Variants in TEAD1 observed in about 807,000 individuals in gnomAD.
TEAD1 encodes the protein transcriptional enhancer factor TEF-1.
In TEAD1, 9 loss-of-function variants were observed where a neutral mutation model predicts 54.9. The observed-to-expected ratio is 0.16, with a 90% confidence interval of 0.10 to 0.29. The LOEUF (loss-of-function observed/expected upper bound fraction) is 0.29. Among genes scored for constraint, TEAD1 ranks in the 10% least tolerant of loss-of-function variants. The probability of loss-of-function intolerance (pLI) is 1.00; values close to 1 mark genes in which losing one functional copy is unlikely to be tolerated. For missense variants in TEAD1, 387 were observed against 535.9 expected, an observed-to-expected ratio of 0.72 and a Z score of 2.74; for synonymous variants, 200 against 187.8, an observed-to-expected ratio of 1.07 and a Z score of -0.53.
At chr11:12,847,398 C>T (rs1947176791) in intron 3 of TEAD1, among the ~76,000 whole-genome samples, 1 of 151,094 alleles carries the variant, frequency 6.6e-6, no homozygotes, top group Non-Finnish European at 1.5e-5. Flanking sequence ...GCAGGAGGGG[C>T]AGACCCAGCC....
In TEAD1 at chr11:12,944,051, C is replaced by T. The variant is rs1949185154; in HGVS notation, c.*6829C>T. 1 of 152,508 alleles carries T rather than the reference C, an allele frequency of 6.6e-6. No homozygotes were observed. Among genetic ancestry groups the T allele is most frequent in the Non-Finnish European group, 1.5e-5 (1 of 68,020 alleles). 9.4% of individuals were successfully genotyped at this position (152,508 alleles called of 1,614,324 possible). A position where few individuals can be genotyped will look rare whatever the true frequency, so the allele number is the denominator to read the frequency against. Reference sequence around the variant, plus strand: ...TCGGTTTTCGCCACGTGTGTTTGTTCACATTCTAAATGACTTAATGGGATT... The same window carrying T: ...TCGGTTTTCGCCACGTGTGTTTGTTTACATTCTAAATGACTTAATGGGATT... On this transcript the variant is annotated 3_prime_UTR_variant, in exon 13 of 13. Transcript: ENST00000527636.
intron 3 of TEAD1, among the ~76,000 whole-genome samples, chr11:12,841,205 T>C (rs1210121051): frequency 1.3e-5 from 2 of 152,232 alleles, no homozygotes; most frequent in African/African-American, 4.8e-5. Flanking sequence ...TCTGCCTCTT[T>C]TCCTACCTGC....
intron 2 of TEAD1, among the ~76,000 whole-genome samples, chr11:12,682,756 G>C (rs550017951): frequency 7.2e-5 from 11 of 152,212 alleles, no homozygotes; most frequent in African/African-American, 2.4e-4. Flanking sequence ...AATGAACAGC[G>C]ATCAGTAAAA....
intron 11 of TEAD1, among the ~76,000 whole-genome samples, chr11:12,927,722 T>A (rs1948928270): frequency 6.6e-6 from 1 of 152,126 alleles, no homozygotes; most frequent in African/African-American, 2.4e-5. Context: ...ATCATTTTCA[T>A]TATACAGGTT....
intron 5 of TEAD1, chr11:12,878,811 G>GC (rs553963005): frequency 0.035 from 26,991 of 766,752 alleles, 374 homozygotes; most frequent in South Asian, 0.06. Flanking sequence ...ATATATATAT[G>GC]TTTTTTTTTT....
intron 3 of TEAD1, among the ~76,000 whole-genome samples, chr11:12,856,813 G>C (rs1163954726): frequency 6.6e-6 from 1 of 152,098 alleles, no homozygotes; most frequent in African/African-American, 2.4e-5. Flanking sequence ...GTCCTTCATG[G>C]GTGTGAGTTT....
At chr11:12,765,501 T>C (rs7480572) in intron 3 of TEAD1, among the ~76,000 whole-genome samples, 69,369 of 151,582 alleles carry the variant, frequency 0.46, 16,331 homozygotes, top group South Asian at 0.62. Flanking sequence ...AAGTCTTTTT[T>C]GTAATAAGGT....
chr11:12,862,008 A>T (rs1049663583), intron 3 of TEAD1, among the ~76,000 whole-genome samples: 13 of 146,248 alleles, frequency 8.9e-5, no homozygotes, highest in Admixed American at 3.4e-4. Flanking sequence ...TTTTTTTTTA[A>T]AAAAAAGGAT....
intron 2 of TEAD1, among the ~76,000 whole-genome samples, chr11:12,752,219 T>TG (rs767092725): frequency 1.3e-5 from 2 of 150,242 alleles, no homozygotes; most frequent in Non-Finnish European, 3.0e-5. Context: ...GGCAGTTTTT[T>TG]TTTTTTTTTT....
chr11:12,885,458 C>T (rs1240824972), intron 9 of TEAD1, among the ~76,000 whole-genome samples: 1 of 151,996 alleles, frequency 6.6e-6, no homozygotes, highest in East Asian at 1.9e-4. Context: ...AGGGTGGTCT[C>T]GATCTCCTGA....
intron 3 of TEAD1, among the ~76,000 whole-genome samples, chr11:12,819,253 T>C (rs1946478616): frequency 6.8e-6 from 1 of 147,706 alleles, no homozygotes; most frequent in African/African-American, 2.5e-5. Flanking sequence ...GTGGCACCAT[T>C]ATCACCGGTG....
chr11:12,925,470 T>C (rs1294290452), intron 11 of TEAD1, among the ~76,000 whole-genome samples: 2 of 152,170 alleles, frequency 1.3e-5, no homozygotes. Context: ...CTCTGACATG[T>C]GGGGATTACG....
At chr11:12,735,565 T>TA (rs1944514151) in intron 2 of TEAD1, among the ~76,000 whole-genome samples, 2 of 150,566 alleles carry the variant, frequency 1.3e-5, no homozygotes, top group African/African-American at 4.9e-5. Flanking sequence ...TGGTTCGATT[T>TA]TTTTTTTTTT....
At position 12,719,623 on chromosome 11, in the gene TEAD1, A is replaced by G. The variant is rs541531503; in HGVS notation, c.-55+44062A>G. Among the ~76,000 whole-genome samples the G allele has an allele frequency of 1.3e-4, 20 of 152,006 alleles. No homozygotes were observed. The East Asian group carries it at 3.3e-3, about 25-fold the overall frequency. ...GTGTCAAAAAGGTCAGGCTAGGGGC[A>G]GGGATTTGTTTTGTATTGAAAAAGA... On this transcript the variant is annotated intron_variant, in intron 2 of 12. Transcript: ENST00000527636.
At chr11:12,753,379 C>T (rs1289090784) in intron 2 of TEAD1, among the ~76,000 whole-genome samples, 1 of 152,180 alleles carries the variant, frequency 6.6e-6, no homozygotes, top group African/African-American at 2.4e-5. Flanking sequence ...CCAATTTGCG[C>T]TCTCATCAGT....
At chr11:12,894,513 C>G (rs80147979) in intron 9 of TEAD1, among the ~76,000 whole-genome samples, 5,334 of 152,150 alleles carry the variant, frequency 0.035, 110 homozygotes, top group South Asian at 0.087. Context: ...GGACAACCTC[C>G]TAGGCTGTCC....
chr11:12,796,552 C>T (rs1259488233), intron 3 of TEAD1, among the ~76,000 whole-genome samples: 2 of 151,222 alleles, frequency 1.3e-5, no homozygotes, highest in Non-Finnish European at 2.9e-5. Flanking sequence ...GTGGTGAAAC[C>T]AGTCTCCACA....
At chr11:12,790,023 G>A (rs1229115098) in intron 3 of TEAD1, among the ~76,000 whole-genome samples, 1 of 152,232 alleles carries the variant, frequency 6.6e-6, no homozygotes, top group African/African-American at 2.4e-5. Context: ...TTAAGCAGTG[G>A]CAGCATGTAT....
chr11:12,896,506 A>C (rs1948318618), intron 9 of TEAD1, among the ~76,000 whole-genome samples: 1 of 152,200 alleles, frequency 6.6e-6, no homozygotes. Flanking sequence ...GTAATGGATA[A>C]TTTGATGTTC....
Sources: allele counts gnomAD v4.1 joint callset (sites outside exome capture counted in the v4.1 genomes callset), GRCh38; gene constraint gnomAD v4.1.1; transcripts MANE v1.5; gene names NCBI Gene and HGNC (gene_info 2026-07-23, HGNC 2026-07-21).